PLCB1: variants seen among roughly 807,000 people sequenced by gnomAD.
PLCB1 encodes phospholipase C beta 1.
A neutral mutation model predicts 161.8 loss-of-function variants in PLCB1; 46 were observed. That is an observed-to-expected ratio of 0.28 (90% CI 0.22 to 0.36). The LOEUF is 0.36. PLCB1 is among the 10% of genes least tolerant of loss of function. The pLI is 1.00. For missense variants in PLCB1, 1,016 were observed against 1,472.5 expected (o/e 0.69, Z 5.07); for synonymous variants, 517 against 503.7 (o/e 1.03, Z -0.35).
chr20:8,410,514 A>G (rs1025264058), intron 3 of PLCB1, among the ~76,000 whole-genome samples: 3 of 152,032 alleles, frequency 2.0e-5, no homozygotes, highest in Non-Finnish European at 2.9e-5. Context: ...AATTAAATTT[A>G]TATAATTTAT....
intron 3 of PLCB1, among the ~76,000 whole-genome samples, chr20:8,476,804 T>C (rs1030955215): frequency 2.0e-5 from 3 of 152,120 alleles, no homozygotes; most frequent in Non-Finnish European, 4.4e-5. Flanking sequence ...GATGGCTTTT[T>C]TGTGTGTGTG....
chr20:8,850,154 T>C (rs1336198419), intron 31 of PLCB1, among the ~76,000 whole-genome samples: 2 of 152,220 alleles, frequency 1.3e-5, no homozygotes, highest in Admixed American at 6.5e-5. Flanking sequence ...AGATTTCTTT[T>C]TTCTTGAGCA....
At chr20:8,711,154 G>A (rs925824590) in intron 12 of PLCB1, among the ~76,000 whole-genome samples, 21 of 152,318 alleles carry the variant, frequency 1.4e-4, no homozygotes, top group Non-Finnish European at 1.9e-4. Context: ...ACATGACAGA[G>A]ATGGGATTCC....
chr20:8,154,668 G>A (rs914614357), intron 2 of PLCB1, among the ~76,000 whole-genome samples: 4 of 152,084 alleles, frequency 2.6e-5, no homozygotes, highest in African/African-American at 9.7e-5. Context: ...GTTTTAATCT[G>A]TCGTTGCCTG....
intron 3 of PLCB1, among the ~76,000 whole-genome samples, chr20:8,556,617 T>C (rs1568506532): frequency 6.6e-6 from 1 of 151,198 alleles, no homozygotes; most frequent in Non-Finnish European, 1.5e-5. Context: ...AAATGAAGGC[T>C]AAGGCAGAGT....
chr20:8,759,646 G>A lies in PLCB1; in HGVS notation c.2657-761G>A, dbSNP rs551879772. 5.9e-5 allele frequency among the ~76,000 whole-genome samples: 9 copies of A among 152,026 alleles called. No individual in the cohort carries two copies. The East Asian group carries it at 9.7e-4, about 16-fold the overall frequency. Reference sequence around the variant, plus strand: ...CTCCCAAGTAGCTGGGATTACAGGCGTGCACCATCACACCCGGCTAATTTT... The same window carrying A: ...CTCCCAAGTAGCTGGGATTACAGGCATGCACCATCACACCCGGCTAATTTT... On this transcript the variant is annotated intron_variant, in intron 24 of 31. Transcript: ENST00000338037.
At chr20:8,821,501 GTATATATATATATATATATATATATA>G (rs552044656) in intron 31 of PLCB1, among the ~76,000 whole-genome samples, 1,489 of 42,356 alleles carry the variant, frequency 0.035, 262 homozygotes, top group African/African-American at 0.074. Context: ...AAAAAAATAT[GTATATATATATATATATATATATATA>G]TATATATATA....
intron 3 of PLCB1, among the ~76,000 whole-genome samples, chr20:8,405,689 A>T (rs1361286723): frequency 6.6e-6 from 1 of 152,222 alleles, no homozygotes; most frequent in African/African-American, 2.4e-5. Flanking sequence ...GTTAGACTTC[A>T]GCATATTGAA....
At chr20:8,196,882 T>C (rs1322183112) in intron 2 of PLCB1, among the ~76,000 whole-genome samples, 1 of 151,492 alleles carries the variant, frequency 6.6e-6, no homozygotes, top group East Asian at 1.9e-4. Flanking sequence ...AGTGTTCTCA[T>C]TGTTCAATTC....
intron 16 of PLCB1, among the ~76,000 whole-genome samples, chr20:8,725,120 A>G (rs1979864924): frequency 6.6e-6 from 1 of 152,178 alleles, no homozygotes; most frequent in Non-Finnish European, 1.5e-5. Flanking sequence ...TAATGTTGAA[A>G]TAAACTATCT....
intron 2 of PLCB1, among the ~76,000 whole-genome samples, chr20:8,228,575 ACAGCTCACTG>A (rs1041693747): frequency 1.3e-4 from 20 of 152,000 alleles, no homozygotes; most frequent in African/African-American, 3.4e-4. Context: ...GATCATGATC[ACAGCTCACTG>A]CAGCCTTGAC....
intron 3 of PLCB1, among the ~76,000 whole-genome samples, chr20:8,570,893 G>A (rs1986486531): frequency 6.6e-6 from 1 of 152,192 alleles, no homozygotes; most frequent in African/African-American, 2.4e-5. Flanking sequence ...GAGCCATCCA[G>A]GCAAAGATCA....
intron 23 of PLCB1, among the ~76,000 whole-genome samples, 161 bp from the exon 24 acceptor site, chr20:8,756,885 C>T (rs1044467470): frequency 6.6e-6 from 1 of 152,142 alleles, no homozygotes; most frequent in African/African-American, 2.4e-5. Flanking sequence ...CATGGCTCAA[C>T]ACTATGCTGT....
intron 11 of PLCB1, among the ~76,000 whole-genome samples, chr20:8,704,945 C>G (rs945967827): frequency 6.7e-6 from 1 of 148,210 alleles, no homozygotes; most frequent in African/African-American, 2.5e-5. Flanking sequence ...TGTCCCAGCT[C>G]AAAAACAGTC....
chr20:8,666,697 G>T (rs1234246320), intron 9 of PLCB1, among the ~76,000 whole-genome samples: 1 of 152,236 alleles, frequency 6.6e-6, no homozygotes, highest in Non-Finnish European at 1.5e-5. Context: ...GAAAAAAGTT[G>T]CAACACAGAC....
intron 2 of PLCB1, among the ~76,000 whole-genome samples, chr20:8,337,275 T>G (rs1985616970): frequency 1.3e-5 from 2 of 152,210 alleles, no homozygotes; most frequent in African/African-American, 4.8e-5. Context: ...ATTAAATAAT[T>G]GGTGAAAGTC....
At chr20:8,779,210 G>A (rs533878693) in intron 27 of PLCB1, among the ~76,000 whole-genome samples, 283 of 152,120 alleles carry the variant, frequency 1.9e-3, no homozygotes, top group Non-Finnish European at 3.4e-3. Flanking sequence ...CATGGCATCC[G>A]TAAACTTCCT....
chr20:8,196,792 A>G (rs2123117877), intron 2 of PLCB1, among the ~76,000 whole-genome samples: 1 of 152,096 alleles, frequency 6.6e-6, no homozygotes, highest in Non-Finnish European at 1.5e-5. Flanking sequence ...TACATTAGGT[A>G]TATCTCCTAA....
At chr20:8,610,318 A>G (rs1269835381) in intron 3 of PLCB1, among the ~76,000 whole-genome samples, 1 of 152,136 alleles carries the variant, frequency 6.6e-6, no homozygotes, top group Non-Finnish European at 1.5e-5. Flanking sequence ...ACAGTACTTC[A>G]TTGCTGTTAA....
Sources: allele counts gnomAD v4.1 joint callset (sites outside exome capture counted in the v4.1 genomes callset), GRCh38; gene constraint gnomAD v4.1.1; transcripts MANE v1.5; gene names NCBI Gene and HGNC (gene_info 2026-07-23, HGNC 2026-07-21).